Variants in PHLDB2 observed in about 807,000 individuals in gnomAD.
The protein encoded by PHLDB2 is pleckstrin homology like domain family B member 2.
PHLDB2 carries 71 observed loss-of-function variants against 123.6 expected under a neutral mutation model. The observed-to-expected ratio is 0.57, with a 90% CI of 0.47 to 0.70. PHLDB2 has a LOEUF of 0.70. PHLDB2 is among the 30% of genes least tolerant of loss of function. The pLI is 0.00. For synonymous variants in PHLDB2, 547 were observed against 541.6 expected, an observed-to-expected ratio of 1.01 and a Z score of -0.14; for missense variants, 1,446 against 1,519.5, an observed-to-expected ratio of 0.95 and a Z score of 0.80.
intron 1 of PHLDB2, among the ~76,000 whole-genome samples, chr3:111,754,239 C>T (rs75770811): frequency 3.6e-5 from 5 of 140,160 alleles, no homozygotes; most frequent in African/African-American, 1.4e-4. Context: ...ATTACCTTGG[C>T]CAGTATGTCC....
intron 1 of PHLDB2, among the ~76,000 whole-genome samples, chr3:111,785,441 C>A (rs947652840): frequency 6.6e-6 from 1 of 152,058 alleles, no homozygotes; most frequent in Non-Finnish European, 1.5e-5. Flanking sequence ...TCTTATGTGA[C>A]TTATATCCTT....
intron 1 of PHLDB2, among the ~76,000 whole-genome samples, chr3:111,780,399 A>AGGAGAAG (rs72585120): frequency 1.3e-5 from 1 of 74,364 alleles, no homozygotes; most frequent in African/African-American, 4.7e-5. Context: ...AAGAAGAAGA[A>AGGAGAAG]GAAGAAGAAG....
At chr3:111,788,959 G>A (rs1055058812) in intron 1 of PHLDB2, among the ~76,000 whole-genome samples, 4 of 152,106 alleles carry the variant, frequency 2.6e-5, no homozygotes, top group African/African-American at 9.7e-5. Flanking sequence ...TTCCTTGTTG[G>A]CAGAGGAAAA....
rs780762233 is a variant in PHLDB2 at position 111,969,763 on chromosome 3, G to C, written c.3389G>C (p.Gly1130Ala). ...FDLRSHVETA[G>A]HNIDTCYHVS... ...TTGCGGAGCCATGTAGAGACTGCTGGCCACAATATTGACACCTGTTACCAT... is the reference window on the plus strand; with the variant it reads ...TTGCGGAGCCATGTAGAGACTGCTGCCCACAATATTGACACCTGTTACCAT... The change falls in exon 16 of 18, where the codon GGC becomes GCC. Residue 1130 changes from glycine (G) to alanine (A), a missense_variant. Around this residue, in one of 3 missense-constraint regions of PHLDB2, gnomAD observed 594 missense variants for 646.0 expected, o/e 0.92. Transcript: ENST00000431670. 2.5e-6 allele frequency: 4 copies of C among 1,614,066 alleles called. No homozygotes were observed. Among genetic ancestry groups the C allele is most frequent in the Non-Finnish European group, 3.4e-6 (4 of 1,179,922 alleles).
intron 15 of PHLDB2, among the ~76,000 whole-genome samples, chr3:111,968,934 A>G (rs1026550560): frequency 3.9e-5 from 6 of 152,144 alleles, no homozygotes; most frequent in African/African-American, 1.4e-4. Flanking sequence ...TCCCCGAGGC[A>G]AAGAGGTGGG....
At chr3:111,830,951 GAAAGAGAAAGAAAGAAA>G (rs2062944911) in intron 1 of PHLDB2, among the ~76,000 whole-genome samples, 4 of 109,720 alleles carry the variant, frequency 3.6e-5, no homozygotes, top group African/African-American at 1.2e-4. Context: ...AGGAAAGAAA[GAAAGAGAAAGAAAGAAA>G]GAAAGAAAGA....
chr3:111,739,990 G>C (rs6788543), intron 1 of PHLDB2, among the ~76,000 whole-genome samples: 87,825 of 151,864 alleles, frequency 0.58, 26,398 homozygotes, highest in African/African-American at 0.75. Flanking sequence ...TTTTACTTCT[G>C]TTTGCTCTCC....
chr3:111,884,099 C>CA lies in PHLDB2; in HGVS notation c.26dup (p.Glu10GlyfsTer8). On this transcript the variant is annotated frameshift_variant, in exon 2 of 18. Coordinates refer to ENST00000431670, the MANE Select transcript of PHLDB2 (RefSeq NM_001134438.2). LOFTEE classifies it high-confidence loss of function. The stretch of plus-strand genomic sequence containing the variant: ...GATTATGGAAGAGCATAGCTACATA[C>CA]AAAAGGAGCTAGATTTACAAAATGG... 1 of 1,613,686 alleles carries CA rather than the reference C, an allele frequency of 6.2e-7. No homozygotes were observed. The highest frequency in any genetic ancestry group is 8.5e-7 in the Non-Finnish European group (1 of 1,179,798).
intron 1 of PHLDB2, among the ~76,000 whole-genome samples, chr3:111,804,294 A>T (rs928069827): frequency 6.6e-6 from 1 of 152,238 alleles, no homozygotes; most frequent in African/African-American, 2.4e-5. Flanking sequence ...TTGAAGAGAT[A>T]ATCTTTTAAA....
intron 16 of PHLDB2, 43 bp from the exon 17 acceptor site, chr3:111,973,689 C>T: frequency 9.8e-7 from 1 of 1,015,394 alleles, no homozygotes. Flanking sequence ...TTTTTCTGTT[C>T]CTCAGTGGCG....
chr3:111,780,406 G>GAAGA (rs2060417221), intron 1 of PHLDB2, among the ~76,000 whole-genome samples: 1 of 132,508 alleles, frequency 7.5e-6, no homozygotes, highest in African/African-American at 2.9e-5. Flanking sequence ...AGAAGAAGAA[G>GAAGA]AAGAAAAAGA....
At chr3:111,830,985 G>A (rs1266530073) in intron 1 of PHLDB2, among the ~76,000 whole-genome samples, 2 of 57,826 alleles carry the variant, frequency 3.5e-5, no homozygotes, top group African/African-American at 9.6e-5. Flanking sequence ...AAGAAAGAAA[G>A]AAAGAAAGAA....
chr3:111,890,434 AT>A (rs1414417343), intron 2 of PHLDB2, among the ~76,000 whole-genome samples: 1 of 152,228 alleles, frequency 6.6e-6, no homozygotes, highest in African/African-American at 2.4e-5. Context: ...GTGCAATTTA[AT>A]TGACTGGATA....
At chr3:111,758,459 A>G (rs1156689185) in intron 1 of PHLDB2, among the ~76,000 whole-genome samples, 1 of 152,166 alleles carries the variant, frequency 6.6e-6, no homozygotes, top group Non-Finnish European at 1.5e-5. Flanking sequence ...TCGTCGGAAA[A>G]GCGCAGTATT....
chr3:111,844,659 C>T (rs144076152), intron 1 of PHLDB2, among the ~76,000 whole-genome samples: 1 of 152,282 alleles, frequency 6.6e-6, no homozygotes, highest in African/African-American at 2.4e-5. Flanking sequence ...GTTCATTCTC[C>T]TTAATATACC....
chr3:111,920,110 A>G (rs918398869), intron 4 of PHLDB2, among the ~76,000 whole-genome samples, 172 bp from the exon 5 acceptor site: 2 of 152,218 alleles, frequency 1.3e-5, no homozygotes, highest in Non-Finnish European at 2.9e-5. Context: ...TAGCTCGCTT[A>G]TATGGGAATC....
intron 1 of PHLDB2, among the ~76,000 whole-genome samples, chr3:111,793,765 G>A (rs1288271640): frequency 6.6e-6 from 1 of 151,834 alleles, no homozygotes; most frequent in Non-Finnish European, 1.5e-5. Context: ...TTCCCTCTAG[G>A]CAGTGGGCTC....
chr3:111,807,487 T>C (rs748039214), intron 1 of PHLDB2, among the ~76,000 whole-genome samples: 4 of 152,004 alleles, frequency 2.6e-5, no homozygotes, highest in Non-Finnish European at 5.9e-5. Context: ...GGAAGCCAAG[T>C]TGGGAGGATT....
chr3:111,741,841 T>C (rs1174067548), intron 1 of PHLDB2, among the ~76,000 whole-genome samples: 1 of 152,210 alleles, frequency 6.6e-6, no homozygotes, highest in Non-Finnish European at 1.5e-5. Flanking sequence ...AATTCTTTCA[T>C]GATGTCTAAA....
Sources: allele counts gnomAD v4.1 joint callset (sites outside exome capture counted in the v4.1 genomes callset), GRCh38; gene constraint gnomAD v4.1.1; regional missense constraint gnomAD v4.1.1; transcripts MANE v1.5; gene names NCBI Gene and HGNC (gene_info 2026-07-23, HGNC 2026-07-21).